The following C4orf54 variants were observed in gnomAD, a reference collection of about 807,000 sequenced individuals.
C4orf54 encodes chromosome 4 open reading frame 54.
C4orf54 carries 67 observed loss-of-function variants against 80.1 expected under a neutral mutation model. The observed-to-expected ratio is 0.84, with a 90% confidence interval of 0.69 to 1.03. C4orf54 has a LOEUF of 1.03. Ranked by LOEUF, C4orf54 falls within the 50% of genes least tolerant of loss-of-function variation. The probability of loss-of-function intolerance (pLI) is 0.00; values close to 1 mark genes in which losing one functional copy is unlikely to be tolerated. For missense variants in C4orf54, 2,434 were observed against 2,253.5 expected, an observed-to-expected ratio of 1.08 and a Z score of -1.62; for synonymous variants, 1,000 against 917.0, an observed-to-expected ratio of 1.09 and a Z score of -1.64.
chr4:99,651,148 G>T lies in C4orf54; in HGVS notation c.3501C>A (p.Asp1167Glu), dbSNP rs1726814712. 9.8e-6 allele frequency: 15 copies of T among 1,536,110 alleles called. No homozygotes were observed. Among genetic ancestry groups the T allele is most frequent in the East Asian group, 2.4e-5 (1 of 40,916 alleles). Residue 1167 changes from aspartate to glutamate, a missense_variant, in exon 2 of 3, where the codon GAC (aspartate) becomes GAA (glutamate). Physicochemically the swap from Asp to Glu is conservative, Grantham distance 45. Coordinates refer to ENST00000511828, the MANE Select transcript of C4orf54 (RefSeq NM_001354435.2). ...AVVNQREDSM[D>E]REPRESMGKG... The stretch of plus-strand genomic sequence containing the variant: ...TGCCCATGCTTTCCCTGGGCTCTCG[G>T]TCCATGCTGTCTTCCCTCTGGTTCA...
At chr4:99,654,970 A>T (rs1726956003) in intron 1 of C4orf54, among the ~76,000 whole-genome samples, 1 of 152,124 alleles carries the variant, frequency 6.6e-6, no homozygotes, top group South Asian at 2.1e-4. Flanking sequence ...TAAAATTCAA[A>T]TTTTTCACGC....
chr4:99,647,064 T>C (rs930954961), intron 2 of C4orf54, among the ~76,000 whole-genome samples: 3 of 152,224 alleles, frequency 2.0e-5, no homozygotes, highest in African/African-American at 7.2e-5. Flanking sequence ...GGGCTTTATT[T>C]ACTAAAATGA....
Position 99,651,309 on chromosome 4 carries a change from C to T in C4orf54, c.3340G>A (p.Gly1114Arg). The change falls in exon 2 of 3, where the codon GGG (glycine) becomes AGG (arginine). Residue 1114 changes from glycine to arginine, a missense_variant. Gly to Arg is a moderately radical substitution (Grantham distance 125, BLOSUM62 -2). Coordinates refer to ENST00000511828, the MANE Select transcript of C4orf54 (RefSeq NM_001354435.2). ...CCCTTGTCACTACTATCCCCTGACC[C>T]TTTAATTAGTTTCCTGACATCTCTC... Reference protein sequence around the residue: ...QVRDVRKLIKGSGDSSDKGSV... With the variant: ...QVRDVRKLIKRSGDSSDKGSV... The T allele has an allele frequency of 6.5e-7, 1 of 1,536,156 alleles. No individual in the cohort carries two copies. The highest frequency in any genetic ancestry group is 8.7e-7 in the Non-Finnish European group (1 of 1,146,920).
chr4:99,653,017 A>G lies in C4orf54; in HGVS notation c.1632T>C (p.Tyr544=). 1.3e-6 allele frequency: 2 copies of G among 1,536,170 alleles called. No homozygotes were observed. Among genetic ancestry groups the G allele is most frequent in the Admixed American group, 2.0e-5 (1 of 51,006 alleles). The stretch of plus-strand genomic sequence containing the variant: ...TCATGTCGCCTTCATGCTTGGCAGC[A>G]TAAATAATGTTTTGCTTTGCACGCA... The part of the protein sequence containing the change: ...SNVRAKQNII[Y]AAKHEGDMSL... Residue 544 remains tyrosine (Y), a synonymous_variant, in exon 2 of 3, where the codon TAT becomes TAC. Coordinates refer to ENST00000511828, the MANE Select transcript of C4orf54 (RefSeq NM_001354435.2).
In C4orf54 at chr4:99,655,454, G is replaced by A. The variant is rs117489081; in HGVS notation, c.-31-775C>T. The stretch of plus-strand genomic sequence containing the variant: ...AGCTGCAGCCTCATGATTCGGTTAC[G>A]CTGGCTGAATTCCAGGCCTGCAGGG... On this transcript the variant is annotated intron_variant, in intron 1 of 2. Coordinates refer to ENST00000511828, the MANE Select transcript of C4orf54 (RefSeq NM_001354435.2). 4.0e-4 allele frequency among the ~76,000 whole-genome samples: 61 copies of A among 152,292 alleles called. No individual in the cohort carries two copies. In the East Asian group the frequency reaches 9.8e-3, roughly 25 times the overall value.
In C4orf54 at chr4:99,653,842, G is replaced by A. The variant is rs1158391273; in HGVS notation, c.807C>T (p.Ser269=). ...CTTTGTTCATCGGGGAGGAGGATGA[G>A]GAAGATGAGAAATTGCCACCCTCTT... is the stretch of plus-strand genomic sequence containing the variant. ...ASEEGGNFSS[S]SSSSPMNKAE... Residue 269 remains serine, a synonymous_variant, in exon 2 of 3, where the codon TCC becomes TCT. Coordinates refer to ENST00000511828, the MANE Select transcript of C4orf54 (RefSeq NM_001354435.2). 18 of 1,536,244 alleles carry A rather than the reference G, an allele frequency of 1.2e-5. No homozygotes were observed. Among genetic ancestry groups the A allele is most frequent in the Non-Finnish European group, 7.0e-6 (8 of 1,146,916 alleles).
chr4:99,650,081 T>C lies in C4orf54; in HGVS notation c.4568A>G (p.Gln1523Arg). ...AGCTGGTCGGCTGGTTCCACTAACC[T>C]GAGAGCCTTTGGAGCTACTGGGGAC... ...SQVPSSSKGSQVSGTSRPAWR... is the reference protein window; with the variant it reads ...SQVPSSSKGSRVSGTSRPAWR... The change falls in exon 2 of 3, where the codon CAG becomes CGG. Residue 1523 changes from glutamine (Q) to arginine (R), a missense_variant. Gln to Arg is a conservative substitution (Grantham distance 43). Coordinates refer to ENST00000511828, the MANE Select transcript of C4orf54 (RefSeq NM_001354435.2). The C allele has an allele frequency of 2.0e-6, 3 of 1,535,732 alleles. No homozygotes were observed. Among genetic ancestry groups the C allele is most frequent in the Non-Finnish European group, 2.6e-6 (3 of 1,146,816 alleles).
intron 2 of C4orf54, among the ~76,000 whole-genome samples, chr4:99,642,841 C>T (rs182272903): frequency 5.3e-5 from 8 of 152,302 alleles, no homozygotes; most frequent in Admixed American, 6.5e-5. Context: ...TTCTCCACGC[C>T]GGCCTGTGCC....
intron 2 of C4orf54, among the ~76,000 whole-genome samples, chr4:99,648,750 A>G (rs942830762): frequency 2.6e-5 from 4 of 152,230 alleles, no homozygotes; most frequent in Non-Finnish European, 4.4e-5. Context: ...ATGTTCCTAC[A>G]AGAAAACATC....
rs1483970858 is a variant in C4orf54 at position 99,651,723 on chromosome 4, G to T, written c.2926C>A (p.Leu976Ile). ...LPKGGDWRAD[L>I]GEISASKNTI... ...TTCTTGCTGGCAGAAATCTCCCCGA[G>T]ATCAGCCCGCCAGTCGCCTCCTTTG... Residue 976 changes from leucine (L) to isoleucine (I), a missense_variant, in exon 2 of 3, where the codon CTC (leucine) becomes ATC (isoleucine). Transcript: ENST00000511828. 6.5e-7 allele frequency: 1 copy of T among 1,536,096 alleles called. No homozygotes were observed. The highest frequency in any genetic ancestry group is 8.7e-7 in the Non-Finnish European group (1 of 1,146,906).
At position 99,654,332 on chromosome 4, in the gene C4orf54, C is replaced by A. The variant is rs752655126; in HGVS notation, c.317G>T (p.Arg106Leu). The part of the protein sequence containing the change: ...VPTALGPVQI[R>L]GTLLRATLQP... The stretch of plus-strand genomic sequence containing the variant: ...CAGAGTTGCCCGAAGCAGGGTCCCA[C>A]GTATCTGGACTGGCCCCAAGGCTGT... The change falls in exon 2 of 3, where the codon CGT (arginine) becomes CTT (leucine). Residue 106 changes from arginine (R) to leucine (L), a missense_variant. Arg to Leu is a moderately radical substitution (Grantham distance 102, BLOSUM62 -2). Coordinates refer to ENST00000511828, the MANE Select transcript of C4orf54 (RefSeq NM_001354435.2). 3 of 1,398,844 alleles carry A rather than the reference C, an allele frequency of 2.1e-6. No homozygotes were observed. Among genetic ancestry groups the A allele is most frequent in the Admixed American group, 3.9e-5 (2 of 50,806 alleles). The allele number at this position is 1,398,844 out of a possible 1,614,324, so 86.7% of individuals were successfully genotyped here.
rs1381488061 is a variant in C4orf54, at chr4:99,639,174, T to A, written c.*2059A>T. On this transcript the variant is annotated 3_prime_UTR_variant, in exon 3 of 3. Transcript: ENST00000511828. ...CCACTGGTTTTTCCTGAAAGTCGCA[T>A]TTGGCTTTAAACCAGTCTTAACAAT... 1 of 152,152 alleles carries A rather than the reference T, an allele frequency of 6.6e-6. No individual in the cohort carries two copies. Among genetic ancestry groups the A allele is most frequent in the Non-Finnish European group, 1.5e-5 (1 of 68,006 alleles). The allele number at this position is 152,152 out of a possible 1,614,324, so 9.4% of individuals were successfully genotyped here.
chr4:99,643,961 C>T (rs773670344), intron 2 of C4orf54, among the ~76,000 whole-genome samples: 76 of 151,940 alleles, frequency 5.0e-4, no homozygotes, highest in Admixed American at 3.5e-3. Flanking sequence ...CTGATGTGGC[C>T]GAGAGGAAAA....
At position 99,649,253 on chromosome 4, in the gene C4orf54, C is replaced by T. The variant is rs931519440; in HGVS notation, c.*14G>A. 62 of 1,488,574 alleles carry T rather than the reference C, an allele frequency of 4.2e-5. No individual in the cohort carries two copies. Among genetic ancestry groups the T allele is most frequent in the Admixed American group, 9.0e-5 (4 of 44,332 alleles). The allele number at this position is 1,488,574 out of a possible 1,614,324, so 92.2% of individuals were successfully genotyped here. The stretch of plus-strand genomic sequence containing the variant: ...TACCAGCAGTTTTTCATTCCGCTTC[C>T]TGGTGGCTGCTCATCATCTGTGTTC... On this transcript the variant is annotated 3_prime_UTR_variant, in exon 2 of 3. Transcript: ENST00000511828.
At chr4:99,657,452 C>T (rs1425705301) in intron 1 of C4orf54, among the ~76,000 whole-genome samples, 43 bp downstream of exon 1, 1 of 152,186 alleles carries the variant, frequency 6.6e-6, no homozygotes, top group African/African-American at 2.4e-5. Flanking sequence ...TTAAAACTCC[C>T]CAAGAGGCAA....
At position 99,652,566 on chromosome 4, in the gene C4orf54, C is replaced by T. The variant is rs1726865382; in HGVS notation, c.2083G>A (p.Gly695Ser). 1 of 1,536,060 alleles carries T rather than the reference C, an allele frequency of 6.5e-7. No individual in the cohort carries two copies. Among genetic ancestry groups the T allele is most frequent in the Admixed American group, 2.0e-5 (1 of 50,996 alleles). The stretch of plus-strand genomic sequence containing the variant: ...TCGGCAGTGGCCCGGGCCCCACTGC[C>T]CTTCCTCAGACCTGCAGCCACAGAG... ...AASVAAGLRKGSGARATADQL... is the reference protein window; with the variant it reads ...AASVAAGLRKSSGARATADQL... Residue 695 changes from glycine (G) to serine (S), a missense_variant, in exon 2 of 3, where the codon GGC becomes AGC. Coordinates refer to ENST00000511828, the MANE Select transcript of C4orf54 (RefSeq NM_001354435.2).
In C4orf54 at chr4:99,637,425, T is replaced by C. The variant is rs1023760143; in HGVS notation, c.*3808A>G. ...CGTGCCACAGACGGACATGTTTTTTTCCCAGAGGACCCGAGTCTGCAATTC... is the reference window on the plus strand; with the variant it reads ...CGTGCCACAGACGGACATGTTTTTTCCCCAGAGGACCCGAGTCTGCAATTC... On this transcript the variant is annotated 3_prime_UTR_variant, in exon 3 of 3. Transcript: ENST00000511828. The C allele has an allele frequency of 2.0e-5, 3 of 152,126 alleles. No individual in the cohort carries two copies. The highest frequency in any genetic ancestry group is 6.6e-5 in the Admixed American group (1 of 15,260). The allele number at this position is 152,126 out of a possible 1,614,324, so 9.4% of individuals were successfully genotyped here.
rs995020539 is a variant in C4orf54 at position 99,651,334 on chromosome 4, C to T, written c.3315G>A (p.Val1105=). 10 of 1,536,060 alleles carry T rather than the reference C, an allele frequency of 6.5e-6. No homozygotes were observed. The highest frequency in any genetic ancestry group is 4.1e-5 in the African/African-American group (3 of 73,044). The change falls in exon 2 of 3, where the codon GTG becomes GTA. Residue 1105 remains valine (V), a synonymous_variant. Coordinates refer to ENST00000511828, the MANE Select transcript of C4orf54 (RefSeq NM_001354435.2). The part of the protein sequence containing the change: ...KSKAQGPLHQ[V]RDVRKLIKGS... ...CTTTAATTAGTTTCCTGACATCTCT[C>T]ACCTGGTGGAGGGGGCCTTGAGCCT... is the stretch of plus-strand genomic sequence containing the variant.
Position 99,653,129 on chromosome 4 carries a change from G to C in C4orf54, c.1520C>G (p.Ala507Gly). 1 of 1,536,192 alleles carries C rather than the reference G, an allele frequency of 6.5e-7. No homozygotes were observed. The highest frequency in any genetic ancestry group is 8.7e-7 in the Non-Finnish European group (1 of 1,146,922). Reference protein sequence around the residue: ...TPEAASGAAAAAASSCGSAAS... With the variant: ...TPEAASGAAAGAASSCGSAAS... Reference sequence around the variant, plus strand: ...TGCACTCCCACAGCTGCTTGCGGCGGCGGCTGCTGCCCCTGAAGCTGCCTC... The same window carrying C: ...TGCACTCCCACAGCTGCTTGCGGCGCCGGCTGCTGCCCCTGAAGCTGCCTC... The change falls in exon 2 of 3, where the codon GCC becomes GGC. Residue 507 changes from alanine (A) to glycine (G), a missense_variant. By Grantham distance (60) the Ala-to-Gly change is moderately conservative. Transcript: ENST00000511828.
Sources: allele counts gnomAD v4.1 joint callset (sites outside exome capture counted in the v4.1 genomes callset), GRCh38; gene constraint gnomAD v4.1.1; transcripts MANE v1.5; gene names NCBI Gene and HGNC (gene_info 2026-07-23, HGNC 2026-07-21).